Variants in CLPB observed in about 807,000 individuals in gnomAD.
CLPB encodes the protein mitochondrial disaggregase.
A neutral mutation model predicts 78.4 loss-of-function variants in CLPB; 40 were observed. The observed-to-expected ratio is 0.51, with a 90% CI of 0.40 to 0.66. The LOEUF is 0.66. Among genes scored for constraint, CLPB ranks in the 30% least tolerant of loss-of-function variants. The probability of loss-of-function intolerance (pLI) is 0.00; values close to 1 mark genes in which losing one functional copy is unlikely to be tolerated. For missense variants in CLPB, 780 were observed against 886.9 expected (o/e 0.88, Z 1.53); for synonymous variants, 333 against 348.0 (o/e 0.96, Z 0.48).
In CLPB at chr11:72,295,550, C is replaced by T. The variant is rs750997439; in HGVS notation, c.1428G>A (p.Ala476=). 8.7e-6 allele frequency: 14 copies of T among 1,614,070 alleles called. No homozygotes were observed. The Middle Eastern group carries it at 4.9e-4, about 57-fold the overall frequency. Residue 476 remains alanine, a synonymous_variant, in exon 12 of 16, where the codon GCG becomes GCA. Coordinates refer to ENST00000538039, the MANE Select transcript of CLPB (RefSeq NM_001258392.3). ...NVASDEIAQH[A]LQLRQEALEM... is the part of the protein sequence containing the mutation. The stretch of plus-strand genomic sequence containing the variant: ...CCAAAGCTTCCTGCCTCAGCTGCAG[C>T]GCGTGCTGTGCGATCTCGTCGCTGG...
intron 4 of CLPB, among the ~76,000 whole-genome samples, chr11:72,367,335 T>G (rs1196329577): frequency 6.6e-6 from 1 of 152,114 alleles, no homozygotes; most frequent in Non-Finnish European, 1.5e-5. Context: ...GGGTAATTTT[T>G]GTATTTTTAG....
chr11:72,328,781 C>G (rs376129436), intron 6 of CLPB, among the ~76,000 whole-genome samples: 7 of 152,220 alleles, frequency 4.6e-5, no homozygotes, highest in African/African-American at 1.7e-4. Context: ...TTGATGCTAA[C>G]TCACTCTGGG....
intron 5 of CLPB, chr11:72,352,616 A>C (rs1330608935): frequency 8.5e-5 from 13 of 152,256 alleles, no homozygotes; most frequent in Non-Finnish European, 1.5e-5. Context: ...AAGATTTAAA[A>C]GGTCTTTTCT....
intron 4 of CLPB, among the ~76,000 whole-genome samples, chr11:72,364,214 A>G (rs1226492347): frequency 6.6e-6 from 1 of 152,112 alleles, no homozygotes; most frequent in Non-Finnish European, 1.5e-5. Flanking sequence ...TTTTTTTGAG[A>G]TGGAGTCTCA....
In CLPB at chr11:72,294,358, G is replaced by A. The variant is rs376110052; in HGVS notation, c.1647C>T (p.Leu549=). The A allele has an allele frequency of 1.8e-5, 29 of 1,614,204 alleles. No homozygotes were observed. The South Asian group carries it at 2.5e-4, about 14-fold the overall frequency. ...CCCAGAAGTTTAGTTCCTTGTTGAC[G>A]AGTTGGATGAGCTCCGAGTGGCAGA... ...LPFCHSELIQ[L]VNKELNFWAK... Residue 549 remains leucine, a synonymous_variant, in exon 14 of 16, where the codon CTC becomes CTT. Coordinates refer to ENST00000538039, the MANE Select transcript of CLPB (RefSeq NM_001258392.3).
chr11:72,433,593 T>TA (rs1856612473), intron 1 of CLPB, among the ~76,000 whole-genome samples: 1 of 144,328 alleles, frequency 6.9e-6, no homozygotes, highest in Admixed American at 6.9e-5. Flanking sequence ...ATAAATAAAT[T>TA]GAGGTCAAGC....
intron 2 of CLPB, among the ~76,000 whole-genome samples, chr11:72,407,936 C>A (rs759854761): frequency 7.2e-5 from 11 of 152,098 alleles, no homozygotes; most frequent in African/African-American, 2.7e-4. Context: ...CATGAGCCAC[C>A]GCGCCCAGCC....
Position 72,402,967 on chromosome 11 carries a change from T to C in CLPB, c.541A>G (p.Ser181Gly). The C allele has an allele frequency of 6.2e-7, 1 of 1,613,866 alleles. No homozygotes were observed. The highest frequency in any genetic ancestry group is 1.3e-5 in the African/African-American group (1 of 75,066). The change falls in exon 3 of 16, where the codon AGT becomes GGT. Residue 181 changes from serine (S) to glycine (G), a missense_variant and splice_region_variant. Around this residue, in one of 3 missense-constraint regions of CLPB, gnomAD observed 417 missense variants for 414.7 expected, o/e 1.01. Coordinates refer to ENST00000538039, the MANE Select transcript of CLPB (RefSeq NM_001258392.3). ...CCTGTGTGGAAGGTGGTCTCTCACCTGTTGTTTCGGTTGATGGCTGCCACC... is the reference window on the plus strand; with the variant it reads ...CCTGTGTGGAAGGTGGTCTCTCACCCGTTGTTTCGGTTGATGGCTGCCACC... ...LMVAAINRNNSVVQVLLAAGA... is the reference protein window; with the variant it reads ...LMVAAINRNNGVVQVLLAAGA...
chr11:72,369,178 A>C (rs1243455288), intron 4 of CLPB, among the ~76,000 whole-genome samples: 1 of 152,156 alleles, frequency 6.6e-6, no homozygotes, highest in Non-Finnish European at 1.5e-5. Flanking sequence ...CCTTCTTTTT[A>C]GTGCAGACCC....
Position 72,312,187 on chromosome 11 carries a change from C to T in CLPB, c.989-3583G>A, listed in dbSNP as rs1187820524. ...AGTCACATATACTGTGTCAGCCCCA[C>T]ATGCAGATTAAACAAGTTAATGGTG... On this transcript the variant is annotated intron_variant, in intron 7 of 15. Transcript: ENST00000538039. This position sits in a 1 kb window ranked among gnomAD's most constrained non-coding sequence, Gnocchi z 4.2. Among the ~76,000 whole-genome samples, 1 of 152,206 alleles carries T rather than the reference C, an allele frequency of 6.6e-6. No individual in the cohort carries two copies. Among genetic ancestry groups the T allele is most frequent in the Non-Finnish European group, 1.5e-5 (1 of 68,040 alleles).
chr11:72,387,892 C>G (rs1224853563), intron 3 of CLPB, among the ~76,000 whole-genome samples: 1 of 152,174 alleles, frequency 6.6e-6, no homozygotes, highest in Non-Finnish European at 1.5e-5. Flanking sequence ...TTGGTTAATC[C>G]TCAGCTGCTG....
chr11:72,373,020 GAC>G (rs1255860084), intron 4 of CLPB: 1 of 1,613,398 alleles, frequency 6.2e-7, no homozygotes, highest in Non-Finnish European at 8.5e-7. Context: ...CCCATCTGAA[GAC>G]ACAGAGATGG....
chr11:72,341,062 C>T (rs111931695), intron 5 of CLPB, among the ~76,000 whole-genome samples: 2,814 of 152,198 alleles, frequency 0.018, 91 homozygotes, highest in African/African-American at 0.064. Context: ...CCTCGTGATC[C>T]GCCCACCTCT....
At chr11:72,397,696 T>G (rs1211501784) in intron 3 of CLPB, among the ~76,000 whole-genome samples, 1 of 152,140 alleles carries the variant, frequency 6.6e-6, no homozygotes, top group Middle Eastern at 3.2e-3. Context: ...AAAAATTAGA[T>G]TTTTTTTATT....
At chr11:72,352,123 G>A (rs1408853394) in intron 5 of CLPB, among the ~76,000 whole-genome samples, 1 of 152,084 alleles carries the variant, frequency 6.6e-6, no homozygotes, top group African/African-American at 2.4e-5. Flanking sequence ...TTAAATGCAG[G>A]CATACAGTAA....
chr11:72,305,269 G>A (rs1949725907), intron 9 of CLPB, among the ~76,000 whole-genome samples: 1 of 152,210 alleles, frequency 6.6e-6, no homozygotes, highest in Non-Finnish European at 1.5e-5. Context: ...GCCTAAGAAT[G>A]CTGTAGGGCC....
chr11:72,307,735 C>T (rs989866960), intron 8 of CLPB, among the ~76,000 whole-genome samples: 1 of 152,146 alleles, frequency 6.6e-6, no homozygotes, highest in Non-Finnish European at 1.5e-5. Flanking sequence ...TTCTTTGTAA[C>T]ACAGAGAAGG....
At chr11:72,398,375 G>A (rs764815766) in intron 3 of CLPB, among the ~76,000 whole-genome samples, 1 of 152,150 alleles carries the variant, frequency 6.6e-6, no homozygotes, top group African/African-American at 2.4e-5. Flanking sequence ...GCATGGGTTC[G>A]AATCAAGTCG....
Position 72,293,073 on chromosome 11 carries a change from G to T in CLPB, c.*294C>A. 3.0e-6 allele frequency: 1 copy of T among 329,980 alleles called. No homozygotes were observed. Among genetic ancestry groups the T allele is most frequent in the Non-Finnish European group, 5.7e-6 (1 of 174,826 alleles). The allele number at this position is 329,980 out of a possible 1,614,324, so 20.4% of individuals were successfully genotyped here. A position where few individuals can be genotyped will look rare whatever the true frequency, so the allele number is the denominator to read the frequency against. ...GACTATGGGGGATGGGGATCATTCTGAAGGAAATAAGGGACCTCCATCCCT... is the reference window on the plus strand; with the variant it reads ...GACTATGGGGGATGGGGATCATTCTTAAGGAAATAAGGGACCTCCATCCCT... On this transcript the variant is annotated 3_prime_UTR_variant, in exon 16 of 16. Transcript: ENST00000538039.
Sources: allele counts gnomAD v4.1 joint callset (sites outside exome capture counted in the v4.1 genomes callset), GRCh38; gene constraint gnomAD v4.1.1; regional missense constraint gnomAD v4.1.1; non-coding constraint Gnocchi (gnomAD v3.1); transcripts MANE v1.5; gene names NCBI Gene and HGNC (gene_info 2026-07-23, HGNC 2026-07-21).